RFWD3: variants seen among roughly 807,000 people sequenced by gnomAD.
RFWD3 encodes E3 ubiquitin-protein ligase RFWD3.
Under a neutral mutation model 87.7 loss-of-function variants are expected in RFWD3, and 65 were observed. That is an observed-to-expected ratio of 0.74 (90% confidence interval 0.61 to 0.91). The LOEUF (loss-of-function observed/expected upper bound fraction) is 0.91, where lower values mean the gene tolerates loss of function less well. Among genes scored for constraint, RFWD3 ranks in the 40% least tolerant of loss-of-function variants. The pLI is 0.00. For synonymous variants in RFWD3, 433 were observed against 352.8 expected (o/e 1.23, Z -2.55); for missense variants, 1,078 against 938.5 (o/e 1.15, Z -1.94).
At chr16:74,649,898 GCTT>G (rs573916365) in intron 3 of RFWD3, among the ~76,000 whole-genome samples, 120 of 152,172 alleles carry the variant, frequency 7.9e-4, no homozygotes, top group Non-Finnish European at 1.4e-3. Flanking sequence ...TTGGCTGACT[GCTT>G]CTTCATGAAA....
chr16:74,658,525 A>G (rs1402330232), intron 2 of RFWD3, among the ~76,000 whole-genome samples: 1 of 152,192 alleles, frequency 6.6e-6, no homozygotes, highest in Admixed American at 6.5e-5. Context: ...ACACTGAGAA[A>G]TTCATCTCAA....
chr16:74,662,600 G>A (rs117434470), intron 1 of RFWD3, among the ~76,000 whole-genome samples: 7 of 152,312 alleles, frequency 4.6e-5, no homozygotes, highest in Non-Finnish European at 1.0e-4. Context: ...AGGCATGAAG[G>A]ATTAAAAGCA....
chr16:74,628,574 G>A lies in RFWD3; in HGVS notation c.1847C>T (p.Ser616Leu). The A allele has an allele frequency of 6.2e-7, 1 of 1,614,192 alleles. No homozygotes were observed. Among genetic ancestry groups the A allele is most frequent in the Non-Finnish European group, 8.5e-7 (1 of 1,180,046 alleles). Residue 616 changes from serine (S) to leucine (L), a missense_variant, in exon 11 of 13, where the codon TCA becomes TTA. By Grantham distance (145) the Ser-to-Leu change is moderately radical. Transcript: ENST00000361070. ...AAAGTCCATTTTCTGTTCCCAGAAT[G>A]AAGCATCCTCCAAGGTTCCAGCCAG... ...GVLAGTLEDASFWEQKMDFSH... is the reference protein window; with the variant it reads ...GVLAGTLEDALFWEQKMDFSH...
At chr16:74,648,744 C>T (rs1960353037) in intron 4 of RFWD3, among the ~76,000 whole-genome samples, 1 of 151,472 alleles carries the variant, frequency 6.6e-6, no homozygotes, top group South Asian at 2.1e-4. Flanking sequence ...CACCGCACTC[C>T]ACCCTGGGCA....
chr16:74,632,504 A>T lies in RFWD3; in HGVS notation c.1577+19T>A, dbSNP rs1248707618. On this transcript the variant is annotated intron_variant, in intron 9 of 12. Coordinates refer to ENST00000361070, the MANE Select transcript of RFWD3 (RefSeq NM_018124.4). ...ACACCAAAGAGCCCAGTCTCCACCTACTTCCCCAAATCACTCACCTGGTCA... is the reference window on the plus strand; with the variant it reads ...ACACCAAAGAGCCCAGTCTCCACCTTCTTCCCCAAATCACTCACCTGGTCA... The T allele has an allele frequency of 1.2e-6, 2 of 1,613,246 alleles. No individual in the cohort carries two copies. The highest frequency in any genetic ancestry group is 1.7e-6 in the Non-Finnish European group (2 of 1,179,358).
At chr16:74,666,061 G>A (rs1398684724) in intron 1 of RFWD3, among the ~76,000 whole-genome samples, 1 of 152,008 alleles carries the variant, frequency 6.6e-6, no homozygotes, top group African/African-American at 2.4e-5. Flanking sequence ...AGGGAGAGGC[G>A]GAGGGGGAAG....
chr16:74,629,400 T>C (rs1275971993), intron 10 of RFWD3, among the ~76,000 whole-genome samples: 1 of 152,254 alleles, frequency 6.6e-6, no homozygotes, highest in East Asian at 1.9e-4. Context: ...GGCTCACGCC[T>C]GTAATCCCAG....
intron 4 of RFWD3, among the ~76,000 whole-genome samples, chr16:74,646,122 C>G (rs1485979281): frequency 6.6e-6 from 1 of 152,154 alleles, no homozygotes; most frequent in Admixed American, 6.5e-5. Context: ...CACCTACAGT[C>G]CCAGCTTATT....
At chr16:74,664,095 T>C (rs768574968) in intron 1 of RFWD3, among the ~76,000 whole-genome samples, 21 of 152,194 alleles carry the variant, frequency 1.4e-4, no homozygotes, top group Non-Finnish European at 2.4e-4. Context: ...GTCTGCAAAC[T>C]GAACAATGTG....
At chr16:74,655,705 A>C (rs1164766005) in intron 2 of RFWD3, among the ~76,000 whole-genome samples, 1 of 150,250 alleles carries the variant, frequency 6.7e-6, no homozygotes, top group East Asian at 2.0e-4. Flanking sequence ...TTGTATTTTT[A>C]GTGGAGACGG....
At chr16:74,637,312 G>A (rs941524584) in intron 7 of RFWD3, among the ~76,000 whole-genome samples, 5 of 152,146 alleles carry the variant, frequency 3.3e-5, no homozygotes, top group African/African-American at 1.2e-4. Context: ...ATTCTTGGTT[G>A]GCTATTTAAT....
intron 10 of RFWD3, among the ~76,000 whole-genome samples, chr16:74,629,056 G>C (rs147900771): frequency 1.3e-5 from 2 of 152,138 alleles, no homozygotes; most frequent in Non-Finnish European, 2.9e-5. Context: ...AGTTGTAGTT[G>C]ACAGACCCCA....
In RFWD3 at chr16:74,662,163, T is replaced by C. The variant is rs1445936088; in HGVS notation, c.-2-712A>G. Among the ~76,000 whole-genome samples the C allele has an allele frequency of 3.3e-5, 5 of 152,276 alleles. No individual in the cohort carries two copies. In the South Asian group the frequency reaches 6.2e-4, roughly 19 times the overall value. On this transcript the variant is annotated intron_variant, in intron 1 of 12. Coordinates refer to ENST00000361070, the MANE Select transcript of RFWD3 (RefSeq NM_018124.4). ...TAAAAAAAAAAATTTTTTTTTGTTATATAGATGAAGGCTTCCTATGTTGCC... is the reference window on the plus strand; with the variant it reads ...TAAAAAAAAAAATTTTTTTTTGTTACATAGATGAAGGCTTCCTATGTTGCC...
At chr16:74,662,390 G>A (rs781579573) in intron 1 of RFWD3, among the ~76,000 whole-genome samples, 2 of 152,180 alleles carry the variant, frequency 1.3e-5, no homozygotes, top group Non-Finnish European at 2.9e-5. Flanking sequence ...TTAAGCACCT[G>A]TTATGCAGAC....
chr16:74,659,112 TTC>T (rs1264478914), intron 2 of RFWD3, among the ~76,000 whole-genome samples: 8 of 152,156 alleles, frequency 5.3e-5, no homozygotes, highest in African/African-American at 1.9e-4. Flanking sequence ...TCTCTAGTGG[TTC>T]TGTTTTTCTT....
chr16:74,651,329 G>A (rs1180355697), intron 3 of RFWD3, among the ~76,000 whole-genome samples: 2 of 152,144 alleles, frequency 1.3e-5, no homozygotes, highest in Non-Finnish European at 2.9e-5. Context: ...TTTAAATAAA[G>A]AATCTAGGCC....
intron 1 of RFWD3, among the ~76,000 whole-genome samples, chr16:74,665,554 G>A (rs960331913): frequency 9.2e-5 from 14 of 151,478 alleles, no homozygotes; most frequent in Admixed American, 5.9e-4. Flanking sequence ...CTCCAGCAGG[G>A]GCAACAAAGC....
intron 8 of RFWD3, among the ~76,000 whole-genome samples, chr16:74,634,816 A>G (rs78063477): frequency 0.12 from 18,285 of 147,864 alleles, 1,363 homozygotes; most frequent in Admixed American, 0.23. Flanking sequence ...GGAAAAAAAA[A>G]GGGGGGAAGG....
intron 4 of RFWD3, 31 bp from the exon 5 acceptor site, chr16:74,644,766 G>C (rs1482499704): frequency 1.9e-6 from 3 of 1,564,470 alleles, no homozygotes; most frequent in South Asian, 1.2e-5. Flanking sequence ...ATTCAAATTA[G>C]AGAAAATGTA....
Sources: gnomAD v4.1 joint callset for allele counts (sites outside exome capture counted in the v4.1 genomes callset) on GRCh38, gnomAD v4.1.1 for gene constraint, MANE v1.5 for transcripts, NCBI Gene and HGNC (gene_info 2026-07-23, HGNC 2026-07-21) for gene names.